The following ANKRD30BL variants were observed in gnomAD, a reference collection of about 807,000 sequenced individuals.
The protein encoded by ANKRD30BL is putative ankyrin repeat domain-containing protein 30B-like.
ANKRD30BL carries 20 observed loss-of-function variants against 18.4 expected under a neutral mutation model. The ratio of observed to expected loss-of-function variants is 1.09; its 90% CI spans 0.77 to 1.58. ANKRD30BL has a LOEUF of 1.58. ANKRD30BL is among the 40% of genes most tolerant of loss of function. The pLI is 0.00. For synonymous variants in ANKRD30BL, 72 were observed against 100.9 expected (o/e 0.71, Z 1.72); for missense variants, 224 against 268.6 (o/e 0.83, Z 1.16).
At chr2:132,236,765 C>T (rs1360153384) in intron 1 of ANKRD30BL, among the ~76,000 whole-genome samples, 2 of 152,014 alleles carry the variant, frequency 1.3e-5, no homozygotes, top group African/African-American at 2.4e-5. Flanking sequence ...CCCAGCCATC[C>T]CATTACTGGG....
At chr2:132,237,281 T>A (rs566904327) in intron 1 of ANKRD30BL, among the ~76,000 whole-genome samples, 6 of 151,662 alleles carry the variant, frequency 4.0e-5, no homozygotes, top group African/African-American at 1.2e-4. Context: ...ATAATAATAA[T>A]AATAAAAAGT....
At chr2:132,170,503 C>T (rs1211758149) in intron 1 of ANKRD30BL, among the ~76,000 whole-genome samples, 1 of 152,194 alleles carries the variant, frequency 6.6e-6, no homozygotes, top group East Asian at 1.9e-4. Context: ...GGAGGTTCTG[C>T]TGGGGAGCCC....
At position 132,232,051 on chromosome 2, in the gene ANKRD30BL, G is replaced by C. The variant is rs530718035; in HGVS notation, n.441+25478C>G. On this transcript the variant is annotated intron_variant and non_coding_transcript_variant, in intron 1 of 4. Coordinates refer to the ANKRD30BL transcript ENST00000470729. ...CCCTGACCCCCGAGCAGCCTAACTGGGAGGCACTCCCCAGCAGGGGCACAC... is the reference window on the plus strand; with the variant it reads ...CCCTGACCCCCGAGCAGCCTAACTGCGAGGCACTCCCCAGCAGGGGCACAC... 4.6e-5 allele frequency among the ~76,000 whole-genome samples: 7 copies of C among 152,306 alleles called. No homozygotes were observed. The South Asian group carries it at 1.4e-3, about 32-fold the overall frequency.
At chr2:132,165,562 A>G (rs1382807576), upstream of ANKRD30BL, among the ~76,000 whole-genome samples, 2 of 151,396 alleles carry the variant, frequency 1.3e-5, no homozygotes, top group South Asian at 4.2e-4. Flanking sequence ...AAAATACAAA[A>G]AAAAAAAAAA....
intron 1 of ANKRD30BL, among the ~76,000 whole-genome samples, chr2:132,236,067 T>G (rs1235403091): frequency 6.6e-6 from 1 of 151,998 alleles, no homozygotes. Context: ...TTGACAAACC[T>G]GAGAAAAACA....
chr2:132,208,072 G>A (rs1376821909), intron 1 of ANKRD30BL, among the ~76,000 whole-genome samples: 6 of 151,994 alleles, frequency 3.9e-5, no homozygotes, highest in South Asian at 2.1e-4. Context: ...GAGCCTTGCC[G>A]CTGGCTCCAT....
intron 1 of ANKRD30BL, among the ~76,000 whole-genome samples, chr2:132,235,622 A>G (rs1046652396): frequency 1.3e-5 from 2 of 152,090 alleles, no homozygotes; most frequent in Non-Finnish European, 2.9e-5. Flanking sequence ...CTAGGAATCC[A>G]ACTTACAAGG....
intron 1 of ANKRD30BL, among the ~76,000 whole-genome samples, chr2:132,209,326 G>A (rs1416968056): frequency 2.0e-5 from 3 of 150,288 alleles, no homozygotes; most frequent in Non-Finnish European, 3.0e-5. Context: ...GGGACCTCTA[G>A]AGGAAAGGGA....
At chr2:132,252,476 T>G (rs998517644) in intron 1 of ANKRD30BL, among the ~76,000 whole-genome samples, 11 of 141,402 alleles carry the variant, frequency 7.8e-5, no homozygotes, top group Admixed American at 4.4e-4. Flanking sequence ...CCATGAGCAC[T>G]GCCAGATGGG....
chr2:132,164,269 C>CTTTTTT (rs796313755), upstream of ANKRD30BL, among the ~76,000 whole-genome samples: 343 of 111,894 alleles, frequency 3.1e-3, no homozygotes, highest in East Asian at 4.8e-3. Context: ...TTTTCTTTTT[C>CTTTTTT]TTTTTTTTTT....
intron 1 of ANKRD30BL, among the ~76,000 whole-genome samples, chr2:132,170,120 C>A (rs1688252435): frequency 1.3e-5 from 2 of 152,038 alleles, no homozygotes; most frequent in Admixed American, 1.3e-4. Context: ...ATCCTTCAAA[C>A]CCTGTCTAAT....
intron 1 of ANKRD30BL, among the ~76,000 whole-genome samples, chr2:132,225,852 G>T (rs113355403): frequency 6.6e-6 from 1 of 151,838 alleles, no homozygotes; most frequent in Non-Finnish European, 1.5e-5. Context: ...AAACTAGACA[G>T]TAGCATTCTC....
In ANKRD30BL at chr2:132,252,728, C is replaced by T. The variant is rs1473108899; in HGVS notation, n.441+4801G>A. Among the ~76,000 whole-genome samples the T allele has an allele frequency of 4.6e-5, 7 of 152,128 alleles. No individual in the cohort carries two copies. The East Asian group carries it at 1.4e-3, about 30-fold the overall frequency. On this transcript the variant is annotated intron_variant and non_coding_transcript_variant, in intron 1 of 4. Coordinates refer to the ANKRD30BL transcript ENST00000470729. ...TTCCTATTTGCCTTCCTCCCAACCC[C>T]CAACAAGCCCCCACCACCGACGACG... is the stretch of plus-strand genomic sequence containing the variant.
At chr2:132,148,522 AC>A (rs1687674950) in intron 5 of ANKRD30BL, among the ~76,000 whole-genome samples, 1 of 151,106 alleles carries the variant, frequency 6.6e-6, no homozygotes, top group Non-Finnish European at 1.5e-5. Flanking sequence ...TATGCATGCC[AC>A]CCAGGCCCAG....
intron 1 of ANKRD30BL, among the ~76,000 whole-genome samples, chr2:132,256,237 G>A (rs115674260): frequency 1.3e-5 from 2 of 151,660 alleles, no homozygotes; most frequent in Non-Finnish European, 2.9e-5. Context: ...TGAGCCCGGC[G>A]TCCCAGTTGC....
In ANKRD30BL at chr2:132,193,189, T is replaced by C. The variant is rs369970475; in HGVS notation, n.442-36043A>G. On this transcript the variant is annotated intron_variant and non_coding_transcript_variant, in intron 1 of 4. Transcript: ENST00000470729. The stretch of plus-strand genomic sequence containing the variant: ...CCACAACAAGCACAACAGTCACACA[T>C]ATGCAGTCACTCATATGACCATGTT... Among the ~76,000 whole-genome samples the C allele has an allele frequency of 4.6e-5, 7 of 152,318 alleles. No individual in the cohort carries two copies. In the East Asian group the frequency reaches 1.3e-3, roughly 29 times the overall value.
intron 5 of ANKRD30BL, among the ~76,000 whole-genome samples, chr2:132,150,338 T>C (rs1355263624): frequency 1.4e-5 from 2 of 144,944 alleles, no homozygotes; most frequent in African/African-American, 5.5e-5. Context: ...TTAACTGTGT[T>C]TCTTTATAGG....
intron 1 of ANKRD30BL, among the ~76,000 whole-genome samples, chr2:132,187,111 A>AT (rs1688574165): frequency 7.2e-6 from 1 of 139,188 alleles, no homozygotes; most frequent in Non-Finnish European, 1.6e-5. Context: ...TAAGATATTT[A>AT]TTTTTTTAAA....
At chr2:132,232,133 T>C (rs1236046320) in intron 1 of ANKRD30BL, among the ~76,000 whole-genome samples, 1 of 152,062 alleles carries the variant, frequency 6.6e-6, no homozygotes, top group African/African-American at 2.4e-5. Context: ...TCCTGTCTGT[T>C]AGAAGGAAAA....
Sources: allele counts gnomAD v4.1 joint callset (sites outside exome capture counted in the v4.1 genomes callset), GRCh38; gene constraint gnomAD v4.1.1; transcripts MANE v1.5; gene names NCBI Gene and HGNC (gene_info 2026-07-23, HGNC 2026-07-21).